SIL1: variants seen among roughly 807,000 people sequenced by gnomAD.
SIL1 encodes the protein nucleotide exchange factor SIL1.
In SIL1, 40 loss-of-function variants were observed where a neutral mutation model predicts 49.1. The ratio of observed to expected loss-of-function variants is 0.81; its 90% confidence interval spans 0.63 to 1.06. SIL1 has a LOEUF of 1.06. Ranked by LOEUF, SIL1 falls within the 50% of genes least tolerant of loss-of-function variation. The probability of loss-of-function intolerance (pLI) is 0.00; values close to 1 mark genes in which losing one functional copy is unlikely to be tolerated. For synonymous variants in SIL1, 253 were observed against 250.8 expected (o/e 1.01, Z -0.08); for missense variants, 500 against 572.6 (o/e 0.87, Z 1.29).
chr5:139,069,796 T>C (rs1769788854), intron 3 of SIL1, among the ~76,000 whole-genome samples: 1 of 152,160 alleles, frequency 6.6e-6, no homozygotes. Context: ...TAAAGAAAAT[T>C]AGATTGTCAT....
At chr5:139,099,851 A>G (rs1327492104) in intron 3 of SIL1, among the ~76,000 whole-genome samples, 1 of 152,202 alleles carries the variant, frequency 6.6e-6, no homozygotes, top group Non-Finnish European at 1.5e-5. Context: ...AAGAATAAGT[A>G]AGACCTACTT....
chr5:139,038,587 G>A lies in SIL1; in HGVS notation c.453+4033C>T, dbSNP rs537840231. Among the ~76,000 whole-genome samples the A allele has an allele frequency of 5.3e-5, 8 of 152,228 alleles. No individual in the cohort carries two copies. The South Asian group carries it at 1.7e-3, about 32-fold the overall frequency. ...AACGGGTATGTCTAGGACTTCATATGCAAAATCCCTTTCTCTAGCTCTCCT... is the reference window on the plus strand; with the variant it reads ...AACGGGTATGTCTAGGACTTCATATACAAAATCCCTTTCTCTAGCTCTCCT... On this transcript the variant is annotated intron_variant, in intron 5 of 9. Coordinates refer to ENST00000394817, the MANE Select transcript of SIL1 (RefSeq NM_022464.5).
intron 7 of SIL1, among the ~76,000 whole-genome samples, chr5:138,976,634 T>C (rs1022162120): frequency 2.1e-4 from 32 of 152,200 alleles, no homozygotes; most frequent in Admixed American, 1.8e-3. Context: ...TTATTCTTCA[T>C]TGCAATCCTC....
chr5:139,003,779 G>T (rs1469628675), intron 7 of SIL1, among the ~76,000 whole-genome samples: 7 of 152,204 alleles, frequency 4.6e-5, no homozygotes, highest in Non-Finnish European at 5.9e-5. Flanking sequence ...CATGCTGGCT[G>T]GTGGCCTCCT....
At chr5:139,174,937 C>CAAAAAAAAAAAAAAAAAA (rs56959325) in intron 1 of SIL1, among the ~76,000 whole-genome samples, 15 of 59,844 alleles carry the variant, frequency 2.5e-4, no homozygotes, top group Admixed American at 4.0e-4. Flanking sequence ...GACTGTGTCT[C>CAAAAAAAAAAAAAAAAAA]AAAAAAAAAA....
intron 6 of SIL1, 24 bp downstream of exon 6, chr5:139,026,777 C>A: frequency 6.2e-7 from 1 of 1,612,078 alleles, no homozygotes; most frequent in Non-Finnish European, 8.5e-7. Flanking sequence ...AAAAGTCTGA[C>A]TTATGGACGA....
chr5:139,119,670 A>G (rs1750567029), intron 3 of SIL1, among the ~76,000 whole-genome samples: 1 of 152,128 alleles, frequency 6.6e-6, no homozygotes, highest in Non-Finnish European at 1.5e-5. Context: ...CTGAGATGGG[A>G]GGATTACTTG....
chr5:139,115,384 G>C (rs554933189), intron 3 of SIL1, among the ~76,000 whole-genome samples: 1 of 152,112 alleles, frequency 6.6e-6, no homozygotes, highest in Non-Finnish European at 1.5e-5. Context: ...CTGATTAGGT[G>C]ACTCTTGGTT....
intron 5 of SIL1, among the ~76,000 whole-genome samples, chr5:139,031,110 C>G (rs1002201513): frequency 9.2e-5 from 14 of 152,068 alleles, no homozygotes; most frequent in Admixed American, 8.5e-4. Flanking sequence ...CAAAACAAAA[C>G]TTTTTAATTT....
intron 4 of SIL1, 81 bp from the exon 5 acceptor site, chr5:139,042,800 G>T: frequency 7.9e-7 from 1 of 1,258,214 alleles, no homozygotes; most frequent in East Asian, 2.3e-5. Flanking sequence ...TACTCTGGGT[G>T]GCCAAGATGG....
chr5:139,032,354 T>C lies in SIL1; in HGVS notation c.454-5362A>G, dbSNP rs1259472495. Among the ~76,000 whole-genome samples, 5 of 152,214 alleles carry C rather than the reference T, an allele frequency of 3.3e-5. No homozygotes were observed. The South Asian group carries it at 1.0e-3, about 32-fold the overall frequency. On this transcript the variant is annotated intron_variant, in intron 5 of 9. Coordinates refer to ENST00000394817, the MANE Select transcript of SIL1 (RefSeq NM_022464.5). ...ATTTTTCTTCTTTAGCCTACTGATA[T>C]GTTGGGTTATACTGATTATTTTTTG...
At chr5:139,116,064 AAC>A (rs1361208241) in intron 3 of SIL1, among the ~76,000 whole-genome samples, 2 of 152,188 alleles carry the variant, frequency 1.3e-5, no homozygotes, top group African/African-American at 4.8e-5. Flanking sequence ...GCCCAACAGA[AAC>A]AGTGTCACAG....
chr5:139,003,999 G>C (rs1336743071), intron 7 of SIL1, among the ~76,000 whole-genome samples: 1 of 152,144 alleles, frequency 6.6e-6, no homozygotes, highest in Admixed American at 6.5e-5. Context: ...GTAGGCAATG[G>C]AACCACAGTG....
At chr5:139,134,593 G>T (rs967826981) in intron 1 of SIL1, among the ~76,000 whole-genome samples, 7 of 152,102 alleles carry the variant, frequency 4.6e-5, no homozygotes, top group Non-Finnish European at 7.4e-5. Context: ...CCTTTTGTTG[G>T]GTAGCTACTC....
chr5:138,985,047 G>A (rs1315347573), intron 7 of SIL1, among the ~76,000 whole-genome samples: 1 of 152,252 alleles, frequency 6.6e-6, no homozygotes, highest in Admixed American at 6.5e-5. Flanking sequence ...GGGCACATGG[G>A]GAGAAGAGAA....
At chr5:139,104,236 T>C (rs982652302) in intron 3 of SIL1, among the ~76,000 whole-genome samples, 1 of 152,186 alleles carries the variant, frequency 6.6e-6, no homozygotes, top group Non-Finnish European at 1.5e-5. Flanking sequence ...GGTAACAGAC[T>C]GGGCAGGGGC....
At chr5:139,186,357 G>A (rs569462736) in intron 1 of SIL1, among the ~76,000 whole-genome samples, 2 of 152,242 alleles carry the variant, frequency 1.3e-5, no homozygotes, top group African/African-American at 4.8e-5. Context: ...TTCAAGCTAT[G>A]TCCTCCCCTC....
intron 1 of SIL1, among the ~76,000 whole-genome samples, chr5:139,145,842 T>A (rs1037873888): frequency 2.0e-5 from 3 of 152,062 alleles, no homozygotes; most frequent in African/African-American, 7.2e-5. Flanking sequence ...GAGGATAGCT[T>A]GAGCCCAGGG....
intron 1 of SIL1, chr5:139,128,056 G>A (rs1750790090): frequency 3.3e-6 from 2 of 602,192 alleles, no homozygotes; most frequent in East Asian, 7.0e-5. Context: ...ATATGCCCTG[G>A]GTAGAACCAT....
Sources: gnomAD v4.1 joint callset for allele counts (sites outside exome capture counted in the v4.1 genomes callset) on GRCh38, gnomAD v4.1.1 for gene constraint, MANE v1.5 for transcripts, NCBI Gene and HGNC (gene_info 2026-07-23, HGNC 2026-07-21) for gene names.